The following PCDHA1 variants were observed in gnomAD, a reference collection of about 807,000 sequenced individuals.
PCDHA1 encodes the protein protocadherin alpha-1.
A neutral mutation model predicts 61.3 loss-of-function variants in PCDHA1; 42 were observed. The ratio of observed to expected loss-of-function variants is 0.69; its 90% CI spans 0.54 to 0.89. The LOEUF is 0.89. PCDHA1 is among the 40% of genes least tolerant of loss of function. The pLI is 0.00. For missense variants in PCDHA1, 1,256 were observed against 1,235.3 expected (o/e 1.02, Z -0.25); for synonymous variants, 610 against 553.8 (o/e 1.10, Z -1.43).
At chr5:140,870,634 G>T in intron 1 of PCDHA1, 1 of 1,612,862 alleles carries the variant, frequency 6.2e-7, no homozygotes, top group Non-Finnish European at 8.5e-7. Context: ...GTCGGTGCAC[G>T]CGGAGAGCGG....
chr5:140,809,233 G>C, intron 1 of PCDHA1: 1 of 1,614,102 alleles, frequency 6.2e-7, no homozygotes, highest in Non-Finnish European at 8.5e-7. Context: ...CCTCACGGGC[G>C]TTGGTGGGCG....
At chr5:140,922,980 A>G (rs2081098580) in intron 1 of PCDHA1, among the ~76,000 whole-genome samples, 1 of 152,244 alleles carries the variant, frequency 6.6e-6, no homozygotes, top group African/African-American at 2.4e-5. Flanking sequence ...TATCTCAGAC[A>G]ATAGGCAAGC....
Position 140,823,949 on chromosome 5 carries a change from A to C in PCDHA1, c.2394+35265A>C, listed in dbSNP as rs2150130667. On this transcript the variant is annotated intron_variant, in intron 1 of 3. Transcript: ENST00000504120. ...TACACCGCGCTGCGGTGCTCGGCGC[A>C]GCCCACCGAGGCCGTGTGCACACGG... is the stretch of plus-strand genomic sequence containing the variant. 3 of 1,613,920 alleles carry C rather than the reference A, an allele frequency of 1.9e-6. No individual in the cohort carries two copies. The Admixed American group carries it at 5.0e-5, about 27-fold the overall frequency.
At chr5:140,992,078 G>A (rs1179366244) in intron 3 of PCDHA1, among the ~76,000 whole-genome samples, 1 of 151,596 alleles carries the variant, frequency 6.6e-6, no homozygotes, top group African/African-American at 2.4e-5. Context: ...TAGAGAATGA[G>A]CTAGAGTAGA....
chr5:140,957,346 G>C (rs1027225386), intron 1 of PCDHA1, among the ~76,000 whole-genome samples: 7 of 152,080 alleles, frequency 4.6e-5, no homozygotes, highest in Non-Finnish European at 8.8e-5. Flanking sequence ...TTTTGAGAGA[G>C]AGACCACATT....
chr5:140,898,887 C>T (rs1554188288), intron 1 of PCDHA1, among the ~76,000 whole-genome samples: 1 of 152,028 alleles, frequency 6.6e-6, no homozygotes, highest in Non-Finnish European at 1.5e-5. Context: ...TTGTAGTTCT[C>T]CTTGAAGAGG....
At chr5:140,791,619 A>G (rs1345920882) in intron 1 of PCDHA1, among the ~76,000 whole-genome samples, 1 of 152,234 alleles carries the variant, frequency 6.6e-6, no homozygotes, top group African/African-American at 2.4e-5. Context: ...CTGTAGGAGA[A>G]CATTATTGTT....
intron 1 of PCDHA1, chr5:140,871,353 G>T: frequency 6.2e-7 from 1 of 1,614,214 alleles, no homozygotes; most frequent in Non-Finnish European, 8.5e-7. Flanking sequence ...GGTCATACTC[G>T]CAGCAGAGGC....
Position 140,787,344 on chromosome 5 carries a change from G to A in PCDHA1, c.1054G>A (p.Val352Ile). Residue 352 changes from valine to isoleucine, a missense_variant, in exon 1 of 4, where the codon GTC (valine) becomes ATC (isoleucine). Physicochemically the swap from Val to Ile is conservative, Grantham distance 29. Coordinates refer to ENST00000504120, the MANE Select transcript of PCDHA1 (RefSeq NM_018900.4). ...DVNDNAPELA[V>I]TSLYLPIRED... is the part of the protein sequence containing the mutation. ...AAATGATAATGCTCCAGAACTGGCG[G>A]TCACTTCATTGTATTTGCCTATCAG... The A allele has an allele frequency of 1.9e-6, 3 of 1,614,166 alleles. No homozygotes were observed. Among genetic ancestry groups the A allele is most frequent in the South Asian group, 1.1e-5 (1 of 91,086 alleles).
chr5:140,856,147 A>T lies in PCDHA1; in HGVS notation c.2394+67463A>T, dbSNP rs142037616. ...TGGGGAGCGGCCAGCTCCACTACTC[A>T]GTCTACGAGGAGGCCAGACACGGCA... is the stretch of plus-strand genomic sequence containing the variant. On this transcript the variant is annotated intron_variant, in intron 1 of 3. Transcript: ENST00000504120. 363 of 1,598,234 alleles carry T rather than the reference A, an allele frequency of 2.3e-4. 22 individuals are homozygous for T. In the African/African-American group the frequency reaches 3.7e-3, roughly 16 times the overall value.
At chr5:140,940,390 T>C (rs2092601477) in intron 1 of PCDHA1, among the ~76,000 whole-genome samples, 1 of 152,194 alleles carries the variant, frequency 6.6e-6, no homozygotes. Flanking sequence ...ATTTTGGTTA[T>C]TGTGTTTTTC....
chr5:140,951,252 A>AT (rs1488592252), intron 1 of PCDHA1, among the ~76,000 whole-genome samples: 16 of 151,738 alleles, frequency 1.1e-4, no homozygotes, highest in Admixed American at 1.1e-3. Context: ...AATGCATCAC[A>AT]TTTTTCTGGT....
chr5:140,946,092 G>A (rs985293430), intron 1 of PCDHA1, among the ~76,000 whole-genome samples: 2 of 151,914 alleles, frequency 1.3e-5, no homozygotes, highest in Non-Finnish European at 2.9e-5. Flanking sequence ...CTGATAAGGA[G>A]TTAACATACC....
chr5:140,882,656 C>T, intron 1 of PCDHA1: 1 of 1,614,192 alleles, frequency 6.2e-7, no homozygotes, highest in Non-Finnish European at 8.5e-7. Flanking sequence ...TAACGACAAC[C>T]CGCCCATATT....
chr5:140,990,524 G>T (rs782064217), intron 3 of PCDHA1, among the ~76,000 whole-genome samples: 2 of 151,978 alleles, frequency 1.3e-5, no homozygotes, highest in Non-Finnish European at 2.9e-5. Flanking sequence ...TGTCTTTTTT[G>T]ACTGTGCATC....
chr5:140,848,428 C>A lies in PCDHA1; in HGVS notation c.2394+59744C>A, dbSNP rs2150410339. 6.6e-5 allele frequency: 95 copies of A among 1,449,944 alleles called. 7 individuals are homozygous for A. The highest frequency in any genetic ancestry group is 8.7e-5 in the Non-Finnish European group (92 of 1,058,798). The allele number at this position is 1,449,944 out of a possible 1,614,324, so 89.8% of individuals were successfully genotyped here. A position where few individuals can be genotyped will look rare whatever the true frequency, so the allele number is the denominator to read the frequency against. On this transcript the variant is annotated intron_variant, in intron 1 of 3. Transcript: ENST00000504120. ...GGCGAACACAGCAGAATGGGACTGA[C>A]GAAATCAGATGATTTCTTCTAATTT...
intron 1 of PCDHA1, chr5:140,871,449 G>T (rs782722272): frequency 2.7e-5 from 43 of 1,608,644 alleles, no homozygotes; most frequent in Non-Finnish European, 3.7e-5. Flanking sequence ...TGAATAAAGA[G>T]GAGGAAGGGG....
chr5:140,975,461 G>A (rs2096668419), intron 1 of PCDHA1, among the ~76,000 whole-genome samples: 1 of 152,196 alleles, frequency 6.6e-6, no homozygotes, highest in Non-Finnish European at 1.5e-5. Context: ...GGCCATCTTG[G>A]AATTCTGCCT....
chr5:140,796,309 A>C, intron 1 of PCDHA1: 1 of 1,614,104 alleles, frequency 6.2e-7, no homozygotes, highest in Non-Finnish European at 8.5e-7. Context: ...GGCCGACGTG[A>C]ACGACAACGC....
Sources: gnomAD v4.1 joint callset for allele counts (sites outside exome capture counted in the v4.1 genomes callset) on GRCh38, gnomAD v4.1.1 for gene constraint, MANE v1.5 for transcripts, NCBI Gene and HGNC (gene_info 2026-07-23, HGNC 2026-07-21) for gene names.